SENP7: variants seen among roughly 807,000 people sequenced by gnomAD.
SENP7 encodes sentrin-specific protease 7.
In SENP7, 64 loss-of-function variants were observed where a neutral mutation model predicts 141.2. That is an observed-to-expected ratio of 0.45 (90% CI 0.37 to 0.56). The LOEUF is 0.56. Among genes scored for constraint, SENP7 ranks in the 20% least tolerant of loss-of-function variants. SENP7 has a pLI of 0.00. For missense variants in SENP7, 1,025 were observed against 1,212.2 expected, an observed-to-expected ratio of 0.85 and a Z score of 2.29; for synonymous variants, 382 against 426.4, an observed-to-expected ratio of 0.90 and a Z score of 1.28.
At chr3:101,432,488 C>T (rs753955856) in intron 4 of SENP7, among the ~76,000 whole-genome samples, 2 of 152,144 alleles carry the variant, frequency 1.3e-5, no homozygotes, top group Non-Finnish European at 2.9e-5. Flanking sequence ...TTGGGAGAGA[C>T]CCAGGCTGTG....
At chr3:101,335,326 T>C (rs2059156119) in intron 17 of SENP7, among the ~76,000 whole-genome samples, 1 of 152,168 alleles carries the variant, frequency 6.6e-6, no homozygotes, top group South Asian at 2.1e-4. Flanking sequence ...TCAACACTAG[T>C]AGTTAGAGCC....
At chr3:101,431,642 G>A (rs1357223499) in intron 4 of SENP7, among the ~76,000 whole-genome samples, 1 of 151,408 alleles carries the variant, frequency 6.6e-6, no homozygotes. Flanking sequence ...AAATTAGCTG[G>A]GTGTGGTGGC....
intron 18 of SENP7, among the ~76,000 whole-genome samples, chr3:101,332,532 T>C (rs1239803287): frequency 1.3e-5 from 2 of 152,106 alleles, no homozygotes; most frequent in Non-Finnish European, 2.9e-5. Flanking sequence ...TCTCAGTCAT[T>C]ATAGTCTTGT....
At chr3:101,386,362 C>A (rs1159324266) in intron 6 of SENP7, among the ~76,000 whole-genome samples, 1 of 152,184 alleles carries the variant, frequency 6.6e-6, no homozygotes, top group African/African-American at 2.4e-5. Context: ...AGCCCCTTGG[C>A]CCTGGCAGGA....
chr3:101,453,052 G>T (rs1201020681), intron 4 of SENP7, among the ~76,000 whole-genome samples: 1 of 152,126 alleles, frequency 6.6e-6, no homozygotes, highest in African/African-American at 2.4e-5. Flanking sequence ...AAAAGTGGGT[G>T]AAGGATATGA....
At chr3:101,446,261 C>T (rs949536116) in intron 4 of SENP7, among the ~76,000 whole-genome samples, 2 of 152,210 alleles carry the variant, frequency 1.3e-5, no homozygotes, top group African/African-American at 4.8e-5. Flanking sequence ...GCCTGCAGAA[C>T]CATAAGCCAA....
chr3:101,468,516 G>T (rs1355787307), intron 3 of SENP7, among the ~76,000 whole-genome samples: 1 of 152,194 alleles, frequency 6.6e-6, no homozygotes, highest in African/African-American at 2.4e-5. Context: ...TCTCTCGGAA[G>T]AAACCCTATA....
intron 2 of SENP7, among the ~76,000 whole-genome samples, chr3:101,496,077 T>C (rs1284990902): frequency 1.3e-5 from 2 of 152,198 alleles, no homozygotes; most frequent in Non-Finnish European, 2.9e-5. Context: ...CAGTATTTTG[T>C]GGTTTTCTAT....
chr3:101,393,797 G>GT (rs938060064), intron 6 of SENP7, among the ~76,000 whole-genome samples: 2 of 152,178 alleles, frequency 1.3e-5, no homozygotes, highest in Non-Finnish European at 2.9e-5. Context: ...GTAGAAAAGT[G>GT]TAAGAGGAAG....
intron 4 of SENP7, among the ~76,000 whole-genome samples, chr3:101,442,003 C>A (rs2062694836): frequency 6.6e-6 from 1 of 152,114 alleles, no homozygotes; most frequent in African/African-American, 2.4e-5. Context: ...CAGAATACAA[C>A]CCTAACAAAC....
intron 5 of SENP7, among the ~76,000 whole-genome samples, chr3:101,399,944 C>A (rs907480230): frequency 6.6e-6 from 1 of 152,166 alleles, no homozygotes; most frequent in Non-Finnish European, 1.5e-5. Flanking sequence ...ATTTTTAAGT[C>A]TCCAGACCTT....
In SENP7 at chr3:101,425,686, A is replaced by G. The variant is rs115344143; in HGVS notation, c.285-7896T>C. 6.1e-3 allele frequency among the ~76,000 whole-genome samples: 930 copies of G among 152,306 alleles called. 6 individuals are homozygous for G. The highest frequency in any genetic ancestry group is 0.022 in the African/African-American group (896 of 41,576). On this transcript the variant is annotated intron_variant, in intron 4 of 23. Transcript: ENST00000394095. Reference sequence around the variant, plus strand: ...AGATGGCTGAAATGACAGAAATAGAATTCAGAATATGAGTAGGAATGAAAA... The same window carrying G: ...AGATGGCTGAAATGACAGAAATAGAGTTCAGAATATGAGTAGGAATGAAAA...
At chr3:101,450,548 G>A (rs924854688) in intron 4 of SENP7, among the ~76,000 whole-genome samples, 2 of 152,160 alleles carry the variant, frequency 1.3e-5, no homozygotes, top group Non-Finnish European at 2.9e-5. Flanking sequence ...AAGAACTCAC[G>A]ATTAAGAAAC....
At chr3:101,453,068 C>G (rs1221417302) in intron 4 of SENP7, among the ~76,000 whole-genome samples, 1 of 152,144 alleles carries the variant, frequency 6.6e-6, no homozygotes, top group Non-Finnish European at 1.5e-5. Flanking sequence ...TATGAACAGA[C>G]ACTTCTCAAA....
chr3:101,349,556 GATAGCATTAGGAGAT>G (rs996249908), intron 12 of SENP7, among the ~76,000 whole-genome samples: 2 of 152,048 alleles, frequency 1.3e-5, no homozygotes, highest in African/African-American at 4.8e-5. Flanking sequence ...TCCGGGGAGG[GATAGCATTAGGAGAT>G]ATACCTAATG....
At position 101,510,533 on chromosome 3, in the gene SENP7, T is replaced by C. The variant is rs79773464; in HGVS notation, c.40+2558A>G. ...GTTTTATTAATCAAACTCTTCTGCA[T>C]ACTTAGGAAACTTTGATGACTATAA... On this transcript the variant is annotated intron_variant, in intron 1 of 23. Coordinates refer to ENST00000394095, the MANE Select transcript of SENP7 (RefSeq NM_020654.5). 1.5e-3 allele frequency among the ~76,000 whole-genome samples: 227 copies of C among 152,248 alleles called. No homozygotes were observed. The East Asian group carries it at 0.035, about 23-fold the overall frequency.
intron 6 of SENP7, among the ~76,000 whole-genome samples, chr3:101,390,998 G>C (rs2060801655): frequency 6.6e-6 from 1 of 151,776 alleles, no homozygotes; most frequent in Non-Finnish European, 1.5e-5. Context: ...AAGAACCACT[G>C]GATCAAGGGA....
intron 3 of SENP7, among the ~76,000 whole-genome samples, chr3:101,482,563 A>G (rs1330689642): frequency 6.6e-6 from 1 of 152,190 alleles, no homozygotes; most frequent in African/African-American, 2.4e-5. Context: ...CAACAAACTG[A>G]CTAGAAAGTT....
At chr3:101,381,764 T>C (rs761734443) in intron 6 of SENP7, among the ~76,000 whole-genome samples, 13 of 152,178 alleles carry the variant, frequency 8.5e-5, no homozygotes, top group Non-Finnish European at 1.5e-4. Flanking sequence ...ATATGCACTA[T>C]TTGTATCAGT....
Sources: allele counts gnomAD v4.1 joint callset (sites outside exome capture counted in the v4.1 genomes callset), GRCh38; gene constraint gnomAD v4.1.1; transcripts MANE v1.5; gene names NCBI Gene and HGNC (gene_info 2026-07-23, HGNC 2026-07-21).